ROCK2: variants seen among roughly 807,000 people sequenced by gnomAD.
The protein encoded by ROCK2 is rho-associated protein kinase 2.
ROCK2 carries 61 observed loss-of-function variants against 195.1 expected under a neutral mutation model. The observed-to-expected ratio is 0.31, with a 90% CI of 0.25 to 0.39. The LOEUF is 0.39. ROCK2 is among the 10% of genes least tolerant of loss of function. The pLI is 1.00. For synonymous variants in ROCK2, 504 were observed against 545.5 expected (o/e 0.92, Z 1.06); for missense variants, 1,109 against 1,637.4 (o/e 0.68, Z 5.57).
At chr2:11,328,145 A>G (rs1572413576) in intron 1 of ROCK2, among the ~76,000 whole-genome samples, 1 of 152,132 alleles carries the variant, frequency 6.6e-6, no homozygotes, top group East Asian at 1.9e-4. Context: ...AAACCCCACC[A>G]AGACTTTGTC....
At chr2:11,316,527 A>G (rs951117616) in intron 1 of ROCK2, among the ~76,000 whole-genome samples, 6 of 152,324 alleles carry the variant, frequency 3.9e-5, no homozygotes, top group African/African-American at 1.4e-4. Context: ...AAGGTTACAT[A>G]AACAAAGACT....
intron 4 of ROCK2, among the ~76,000 whole-genome samples, chr2:11,248,183 C>A (rs951702804): frequency 1.0e-4 from 14 of 139,588 alleles, no homozygotes; most frequent in African/African-American, 3.8e-4. Context: ...TAATGAGCTT[C>A]TAAATAACAT....
intron 2 of ROCK2, 26 bp downstream of exon 2, chr2:11,287,629 C>A: frequency 1.4e-6 from 1 of 697,374 alleles, no homozygotes; most frequent in South Asian, 4.0e-5. Context: ...GTTATAAGAT[C>A]AAATATGAAG....
chr2:11,269,510 C>CAA (rs61527035), intron 3 of ROCK2, among the ~76,000 whole-genome samples: 6 of 136,526 alleles, frequency 4.4e-5, no homozygotes, highest in African/African-American at 1.4e-4. Context: ...GACTCCATCT[C>CAA]AAAAAAAAAA....
chr2:11,262,290 A>C (rs912447494), intron 3 of ROCK2, among the ~76,000 whole-genome samples: 7 of 152,236 alleles, frequency 4.6e-5, no homozygotes, highest in African/African-American at 1.7e-4. Flanking sequence ...AAAAGTTAAC[A>C]GGGGTTATAA....
chr2:11,243,003 T>G (rs1161259221), intron 4 of ROCK2, among the ~76,000 whole-genome samples: 1 of 152,138 alleles, frequency 6.6e-6, no homozygotes, highest in Non-Finnish European at 1.5e-5. Flanking sequence ...CTCATTTCAC[T>G]TTCTAGTGCC....
chr2:11,337,662 C>T (rs1319093454), intron 1 of ROCK2, among the ~76,000 whole-genome samples: 6 of 151,122 alleles, frequency 4.0e-5, no homozygotes, highest in African/African-American at 1.2e-4. Context: ...GACAGAGTCT[C>T]ACTCTTGTTG....
rs558312579 is a variant in ROCK2, at chr2:11,327,117, C to T, written c.141+16879G>A. 7.2e-4 allele frequency among the ~76,000 whole-genome samples: 109 copies of T among 152,076 alleles called. 1 individual carries two copies. Among genetic ancestry groups the T allele is most frequent in the Non-Finnish European group, 2.1e-4 (14 of 67,972 alleles). ...GCTCAACAAATGCTTTTTTTGTTGG[C>T]CAAAGAGACAAACTGATCCAGAACT... On this transcript the variant is annotated intron_variant, in intron 1 of 32. Transcript: ENST00000315872.
intron 1 of ROCK2, among the ~76,000 whole-genome samples, chr2:11,327,435 G>T (rs990284056): frequency 3.3e-5 from 5 of 152,290 alleles, no homozygotes; most frequent in African/African-American, 1.2e-4. Flanking sequence ...TGATGAAATT[G>T]GGAAACTATA....
intron 5 of ROCK2, among the ~76,000 whole-genome samples, chr2:11,230,229 G>A (rs979973383): frequency 3.3e-5 from 5 of 152,102 alleles, no homozygotes; most frequent in African/African-American, 1.2e-4. Context: ...GCTTCTTGGA[G>A]AAGTGATTCC....
rs536547809 is a variant in ROCK2, at chr2:11,182,553, C to G, written c.*884G>C. ...AAAAACATTTGTTAATCAAAATAGG[C>G]TGACATTGATATAACTATTTATGTG... On this transcript the variant is annotated 3_prime_UTR_variant, in exon 33 of 33. Transcript: ENST00000315872. 1.1e-4 allele frequency: 16 copies of G among 152,298 alleles called. No homozygotes were observed. The highest frequency in any genetic ancestry group is 3.6e-4 in the African/African-American group (15 of 41,534). 9.4% of individuals were successfully genotyped at this position (152,298 alleles called of 1,614,324 possible).
rs781327430 is a variant in ROCK2, at chr2:11,207,729, C to T, written c.2546G>A (p.Arg849Gln). The T allele has an allele frequency of 6.2e-6, 10 of 1,600,558 alleles. No individual in the cohort carries two copies. Among genetic ancestry groups the T allele is most frequent in the Admixed American group, 1.7e-5 (1 of 58,264 alleles). The change falls in exon 20 of 33, where the codon CGA (arginine) becomes CAA (glutamine). Residue 849 changes from arginine to glutamine, a missense_variant. This residue lies in a region of ROCK2 where 542 missense variants were observed against 672.0 expected (regional missense o/e 0.81). Transcript: ENST00000315872. ...ACATCTCAATCAATTAACTTACTTT[C>T]GAAGTTCAGCATTTTGTTTTTCCAA... ...MNLEKQNAEL[R>Q]KERQDADGQM...
intron 1 of ROCK2, among the ~76,000 whole-genome samples, chr2:11,324,123 T>C (rs1668476855): frequency 6.6e-6 from 1 of 152,212 alleles, no homozygotes; most frequent in Non-Finnish European, 1.5e-5. Context: ...CACTCCTTGG[T>C]ATTTACCTGA....
chr2:11,282,550 G>T (rs1667041688), intron 3 of ROCK2, among the ~76,000 whole-genome samples: 1 of 146,714 alleles, frequency 6.8e-6, no homozygotes, highest in African/African-American at 2.5e-5. Context: ...TGACAAAGGA[G>T]CAGAGGCAAT....
chr2:11,299,671 C>T (rs1240598972), intron 1 of ROCK2, among the ~76,000 whole-genome samples: 1 of 152,206 alleles, frequency 6.6e-6, no homozygotes, highest in African/African-American at 2.4e-5. Context: ...CACGAAAGAA[C>T]ACAGCAAGAA....
Position 11,344,583 on chromosome 2 carries a change from T to A in ROCK2, c.-447A>T. The A allele has an allele frequency of 8.3e-6, 6 of 724,168 alleles. No individual in the cohort carries two copies. Among genetic ancestry groups the A allele is most frequent in the Non-Finnish European group, 1.0e-5 (6 of 595,342 alleles). 44.9% of individuals were successfully genotyped at this position (724,168 alleles called of 1,614,324 possible). A position where few individuals can be genotyped will look rare whatever the true frequency, so the allele number is the denominator to read the frequency against. ...GCTGCCATGGTCGCCGCCGGCCGCC[T>A]TGCAGTCCCTCAGCCAGCTCCCGGC... is the stretch of plus-strand genomic sequence containing the variant. On this transcript the variant is annotated 5_prime_UTR_variant, in exon 1 of 33. The change creates a new upstream start codon in the 5' untranslated region. Coordinates refer to ENST00000315872, the MANE Select transcript of ROCK2 (RefSeq NM_004850.5). This position sits in a 1 kb window ranked among gnomAD's most constrained non-coding sequence, Gnocchi z 5.4.
At chr2:11,252,119 T>C (rs536481150) in intron 3 of ROCK2, among the ~76,000 whole-genome samples, 32 of 152,174 alleles carry the variant, frequency 2.1e-4, no homozygotes, top group Admixed American at 1.7e-3. Flanking sequence ...CTCAAGGATA[T>C]AGAACCAGAG....
chr2:11,181,696 C>T lies in ROCK2; in HGVS notation c.*1741G>A, dbSNP rs977379097. On this transcript the variant is annotated 3_prime_UTR_variant, in exon 33 of 33. Transcript: ENST00000315872. ...CTGCCCAGGCTGGAGTGCAGTGGCT[C>T]GATCTTCGCTCACTGCAACCACCGT... 7.0e-6 allele frequency: 1 copy of T among 143,168 alleles called. No homozygotes were observed. Among genetic ancestry groups the T allele is most frequent in the Admixed American group, 7.1e-5 (1 of 14,002 alleles). The allele number at this position is 143,168 out of a possible 1,614,324, so 8.9% of individuals were successfully genotyped here. A position where few individuals can be genotyped will look rare whatever the true frequency, so the allele number is the denominator to read the frequency against.
intron 3 of ROCK2, among the ~76,000 whole-genome samples, chr2:11,254,245 C>T (rs1035128914): frequency 2.6e-5 from 4 of 152,176 alleles, no homozygotes; most frequent in African/African-American, 9.7e-5. Context: ...AAACACAAGA[C>T]TGTAATTCCT....
Sources: allele counts gnomAD v4.1 joint callset (sites outside exome capture counted in the v4.1 genomes callset), GRCh38; gene constraint gnomAD v4.1.1; regional missense constraint gnomAD v4.1.1; non-coding constraint Gnocchi (gnomAD v3.1); transcripts MANE v1.5; gene names NCBI Gene and HGNC (gene_info 2026-07-23, HGNC 2026-07-21).